The following PLAGL1 variants were observed in gnomAD, a reference collection of about 807,000 sequenced individuals.
The protein encoded by PLAGL1 is PLAG1 like zinc finger 1, also known as zinc finger protein PLAGL1.
In PLAGL1, 1 loss-of-function variant was observed where a neutral mutation model predicts 4.6. That is an observed-to-expected ratio of 0.22 (90% CI 0.08 to 1.03). The LOEUF (loss-of-function observed/expected upper bound fraction) is 1.03, where lower values mean the gene tolerates loss of function less well. Among genes scored for constraint, PLAGL1 ranks in the 50% least tolerant of loss-of-function variants. PLAGL1 has a pLI of 0.58. For synonymous variants in PLAGL1, 240 were observed against 237.8 expected (o/e 1.01, Z -0.08); for missense variants, 464 against 570.4 (o/e 0.81, Z 1.90).
intron 1 of PLAGL1, chr6:144,007,130 C>G (rs143105242): frequency 6.6e-6 from 1 of 152,192 alleles, no homozygotes; most frequent in Non-Finnish European, 1.5e-5. Context: ...CTTATCTAAG[C>G]GCATATAAAT....
At chr6:144,031,037 A>G (rs896168666) in intron 1 of PLAGL1, among the ~76,000 whole-genome samples, 1 of 151,950 alleles carries the variant, frequency 6.6e-6, no homozygotes, top group Admixed American at 6.5e-5. Context: ...TTTTTTTATT[A>G]TGGCCATTCT....
intron 1 of PLAGL1, among the ~76,000 whole-genome samples, chr6:144,041,517 C>A (rs1027758510): frequency 6.6e-6 from 1 of 152,082 alleles, no homozygotes; most frequent in Non-Finnish European, 1.5e-5. Flanking sequence ...TGAACTCATC[C>A]TTTTTTATGG....
At position 143,941,955 on chromosome 6, in the gene PLAGL1, G is replaced by A. The variant is rs1295821177; in HGVS notation, c.861C>T (p.Pro287=). 6.2e-7 allele frequency: 1 copy of A among 1,601,714 alleles called. No individual in the cohort carries two copies. Among genetic ancestry groups the A allele is most frequent in the Non-Finnish European group, 8.5e-7 (1 of 1,173,000 alleles). Residue 287 remains proline (P), a synonymous_variant, in exon 8 of 8, where the codon CCC becomes CCT. Coordinates refer to ENST00000674357, the MANE Select transcript of PLAGL1 (RefSeq NM_001317162.2). This position sits in a 1 kb window ranked among gnomAD's most constrained non-coding sequence, Gnocchi z 6.0. ...PLPESLASLH[P]SVSPGSPPPP... ...GCGGAGGAGAGCCAGGGGATACCGAGGGGTGGAGGGAGGCCAGGGACTCTG... is the reference window on the plus strand; with the variant it reads ...GCGGAGGAGAGCCAGGGGATACCGAAGGGTGGAGGGAGGCCAGGGACTCTG...
In PLAGL1 at chr6:144,027,278, A is replaced by G. The variant is rs1796437380; in HGVS notation, c.-151+37190T>C. Among the ~76,000 whole-genome samples, 1 of 148,106 alleles carries G rather than the reference A, an allele frequency of 6.8e-6. No homozygotes were observed. The highest frequency in any genetic ancestry group is 2.5e-5 in the African/African-American group (1 of 40,354). ...AAGAAAGAAAGAAAGAAAGAAAGAA[A>G]GAAAGAAAGAAAGAAAGTTATTTGA... is the stretch of plus-strand genomic sequence containing the variant. On this transcript the variant is annotated intron_variant, in intron 1 of 3. Transcript: ENST00000437412. This position sits in a 1 kb window ranked among gnomAD's most constrained non-coding sequence, Gnocchi z 5.8.
Position 144,027,200 on chromosome 6 carries a change from G to A in PLAGL1, c.-151+37268C>T, listed in dbSNP as rs964167239. On this transcript the variant is annotated intron_variant, in intron 1 of 3. Coordinates refer to the PLAGL1 transcript ENST00000437412. This position sits in a 1 kb window ranked among gnomAD's most constrained non-coding sequence, Gnocchi z 5.8. ...GATCATGCCACTGCACTCCAGCTTG[G>A]GTGACAGAGAAAGACCCCAACTCAA... 7.1e-6 allele frequency among the ~76,000 whole-genome samples: 1 copy of A among 141,444 alleles called. No homozygotes were observed. Among genetic ancestry groups the A allele is most frequent in the Admixed American group, 7.2e-5 (1 of 13,914 alleles). 92.8% of individuals were successfully genotyped at this position (141,444 alleles called of 152,430 possible).
Position 143,952,849 on chromosome 6 carries a change from T to C in PLAGL1, c.-324-4389A>G, listed in dbSNP as rs1340650435. Among the ~76,000 whole-genome samples, 1 of 152,246 alleles carries C rather than the reference T, an allele frequency of 6.6e-6. No individual in the cohort carries two copies. On this transcript the variant is annotated intron_variant, in intron 6 of 7. Transcript: ENST00000674357. The surrounding 1 kb of genome is among the most constrained non-coding windows in gnomAD (Gnocchi z 6.1). ...CACTTTTGGTCTTCCAACAAGGGTG[T>C]TTTTCTCAATATCAGTTCTTTGAAG...
Position 143,959,904 on chromosome 6 carries a change from A to ATG in PLAGL1, c.-325+564_-325+565insCA, listed in dbSNP as rs1782999594. On this transcript the variant is annotated intron_variant, in intron 6 of 7. Coordinates refer to ENST00000674357, the MANE Select transcript of PLAGL1 (RefSeq NM_001317162.2). This position sits in a 1 kb window ranked among gnomAD's most constrained non-coding sequence, Gnocchi z 5.3. ...ACTAAGCCAAGTGCTCTTTCAACCT[A>ATG]CGCTTTGCCATCCCTTCTAGCCACA... Among the ~76,000 whole-genome samples, 1 of 152,198 alleles carries ATG rather than the reference A, an allele frequency of 6.6e-6. No individual in the cohort carries two copies. The highest frequency in any genetic ancestry group is 2.4e-5 in the African/African-American group (1 of 41,442).
chr6:143,975,059 AG>A lies in PLAGL1; in HGVS notation c.-543-6082del, dbSNP rs1205725483. 6.6e-6 allele frequency among the ~76,000 whole-genome samples: 1 copy of A among 152,210 alleles called. No individual in the cohort carries two copies. Among genetic ancestry groups the A allele is most frequent in the Non-Finnish European group, 1.5e-5 (1 of 68,026 alleles). ...TTTATTAATCTATTTTTGAATGAGG[AG>A]ATAATAGGCTCAAGAGAGGTAAATT... On this transcript the variant is annotated intron_variant, in intron 2 of 7. Coordinates refer to ENST00000674357, the MANE Select transcript of PLAGL1 (RefSeq NM_001317162.2). This position sits in a 1 kb window ranked among gnomAD's most constrained non-coding sequence, Gnocchi z 5.8.
chr6:143,977,547 C>T (rs1419777559), intron 2 of PLAGL1, among the ~76,000 whole-genome samples: 1 of 141,262 alleles, frequency 7.1e-6, no homozygotes, highest in Non-Finnish European at 1.5e-5. Flanking sequence ...AATCTCGGCT[C>T]ACTGTAACCT....
rs1326199720 is a variant in PLAGL1 at position 143,984,026 on chromosome 6, G to T, written c.-544+1109C>A. Among the ~76,000 whole-genome samples the T allele has an allele frequency of 6.6e-6, 1 of 152,004 alleles. No individual in the cohort carries two copies. Among genetic ancestry groups the T allele is most frequent in the Non-Finnish European group, 1.5e-5 (1 of 67,974 alleles). ...GAAGGACAGCTCCTGAATCTTCAAG[G>T]AATAAGGAACAATGATGTATTTTTA... On this transcript the variant is annotated intron_variant, in intron 2 of 7. Coordinates refer to ENST00000674357, the MANE Select transcript of PLAGL1 (RefSeq NM_001317162.2). The surrounding 1 kb of genome is among the most constrained non-coding windows in gnomAD (Gnocchi z 5.5).
intron 1 of PLAGL1, among the ~76,000 whole-genome samples, chr6:144,032,121 A>ATTT (rs111598351): frequency 0.075 from 10,629 of 142,294 alleles, 477 homozygotes; most frequent in Admixed American, 0.13. Context: ...AACTTATTGC[A>ATTT]TTTTTTTTTT....
Position 144,003,171 on chromosome 6 carries a change from G to T in PLAGL1, c.-584+4919C>A, listed in dbSNP as rs571569404. 1.5e-3 allele frequency among the ~76,000 whole-genome samples: 223 copies of T among 152,042 alleles called. 2 individuals are homozygous for T. The highest frequency in any genetic ancestry group is 5.0e-3 in the African/African-American group (206 of 41,468). ...AATTCAATGGGAAAAGAAAGGTGTT[G>T]TTTTTTTCAATAAATGTGTAGAGTA... On this transcript the variant is annotated intron_variant, in intron 1 of 7. Transcript: ENST00000674357.
intron 1 of PLAGL1, among the ~76,000 whole-genome samples, chr6:143,993,307 A>G (rs1219021525): frequency 7.0e-6 from 1 of 142,916 alleles, no homozygotes; most frequent in Non-Finnish European, 1.5e-5. Context: ...CTGTCTGAAA[A>G]CAAAAAAACA....
chr6:144,052,079 T>C (rs1204869834), intron 1 of PLAGL1, among the ~76,000 whole-genome samples: 2 of 152,230 alleles, frequency 1.3e-5, no homozygotes, highest in African/African-American at 4.8e-5. Context: ...GTTTGAAAAA[T>C]ACTGCTCCAA....
chr6:144,040,856 G>A (rs537143070), intron 1 of PLAGL1, among the ~76,000 whole-genome samples: 11 of 152,300 alleles, frequency 7.2e-5, no homozygotes, highest in African/African-American at 2.4e-4. Context: ...CAGCTCAGGT[G>A]ACAGACTGAG....
At chr6:144,014,904 G>C (rs557282865) in intron 1 of PLAGL1, among the ~76,000 whole-genome samples, 1 of 152,170 alleles carries the variant, frequency 6.6e-6, no homozygotes, top group African/African-American at 2.4e-5. Flanking sequence ...TTTTGACAGA[G>C]GTATAACATA....
chr6:143,996,612 CCT>C (rs1491481799), intron 1 of PLAGL1, among the ~76,000 whole-genome samples: 1 of 136,098 alleles, frequency 7.3e-6, no homozygotes, highest in African/African-American at 2.8e-5. Context: ...TTATTTATTC[CCT>C]TTTTTTTTTT....
chr6:143,976,922 A>G (rs1562477203), intron 2 of PLAGL1, among the ~76,000 whole-genome samples: 1 of 152,228 alleles, frequency 6.6e-6, no homozygotes, highest in South Asian at 2.1e-4. Flanking sequence ...AAGCATTGCT[A>G]TAAGTTGCAT....
intron 1 of PLAGL1, among the ~76,000 whole-genome samples, chr6:144,052,198 T>C (rs1166854722): frequency 6.6e-6 from 1 of 152,182 alleles, no homozygotes; most frequent in Non-Finnish European, 1.5e-5. Flanking sequence ...TGACAGATAG[T>C]ATATATGTCC....
Sources: gnomAD v4.1 joint callset for allele counts (sites outside exome capture counted in the v4.1 genomes callset) on GRCh38, gnomAD v4.1.1 for gene constraint, Gnocchi (gnomAD v3.1) non-coding constraint, MANE v1.5 for transcripts, NCBI Gene and HGNC (gene_info 2026-07-23, HGNC 2026-07-21) for gene names.